Variants in STAT4 observed in about 807,000 individuals in gnomAD.
STAT4 encodes the protein signal transducer and activator of transcription 4.
STAT4 carries 42 observed loss-of-function variants against 110.5 expected under a neutral mutation model. The observed-to-expected ratio is 0.38, with a 90% CI of 0.30 to 0.49. The LOEUF (loss-of-function observed/expected upper bound fraction) is 0.49, where lower values mean the gene tolerates loss of function less well. Ranked by LOEUF, STAT4 falls within the 20% of genes least tolerant of loss-of-function variation. STAT4 has a pLI of 0.95. For synonymous variants in STAT4, 284 were observed against 302.2 expected (o/e 0.94, Z 0.63); for missense variants, 632 against 887.9 (o/e 0.71, Z 3.66).
chr2:191,056,304 A>T (rs1489765896), intron 13 of STAT4, among the ~76,000 whole-genome samples: 1 of 152,202 alleles, frequency 6.6e-6, no homozygotes, highest in Non-Finnish European at 1.5e-5. Context: ...TGGGAATCTT[A>T]AGAATTATGC....
chr2:191,145,474 A>G (rs958895626), intron 3 of STAT4, among the ~76,000 whole-genome samples: 8 of 152,184 alleles, frequency 5.3e-5, no homozygotes, highest in African/African-American at 1.9e-4. Context: ...CACTAAGCTA[A>G]TAAAGCCACC....
chr2:191,145,777 A>G (rs534852878), intron 3 of STAT4, among the ~76,000 whole-genome samples: 1 of 152,324 alleles, frequency 6.6e-6, no homozygotes, highest in South Asian at 2.1e-4. Flanking sequence ...GAATGGCACA[A>G]AGCACTTTTT....
At chr2:191,095,725 A>T (rs1304579760) in intron 3 of STAT4, among the ~76,000 whole-genome samples, 1 of 152,140 alleles carries the variant, frequency 6.6e-6, no homozygotes, top group Non-Finnish European at 1.5e-5. Context: ...AGAGCAAACA[A>T]ATTCAAAAGC....
chr2:191,073,069 T>C (rs1191292973), intron 5 of STAT4, 29 bp downstream of exon 5: 7 of 1,586,252 alleles, frequency 4.4e-6, no homozygotes, highest in East Asian at 4.5e-5. Flanking sequence ...GTATCTAGAC[T>C]TTCTAGGTAT....
chr2:191,076,765 G>A (rs890785981), intron 3 of STAT4, among the ~76,000 whole-genome samples: 19 of 151,550 alleles, frequency 1.3e-4, no homozygotes, highest in African/African-American at 4.1e-4. Context: ...CCTGCCTCAG[G>A]CTCCCAAGTA....
At chr2:191,145,157 T>C (rs1309549525) in intron 3 of STAT4, among the ~76,000 whole-genome samples, 2 of 152,192 alleles carry the variant, frequency 1.3e-5, no homozygotes, top group African/African-American at 2.4e-5. Flanking sequence ...ATTTTTATTT[T>C]AGGCTGTATA....
At chr2:191,151,528 G>A (rs116304492), upstream of STAT4, 1,510 of 985,558 alleles carry the variant, frequency 1.5e-3, 16 homozygotes, top group African/African-American at 0.024. This position sits in a 1 kb window ranked among gnomAD's most constrained non-coding sequence, Gnocchi z 4.7. Context: ...GCCAAGTCCT[G>A]GGTAGGCCAC....
chr2:191,108,231 C>T (rs1698334095), intron 3 of STAT4, among the ~76,000 whole-genome samples: 1 of 150,684 alleles, frequency 6.6e-6, no homozygotes. Flanking sequence ...GTAGAGGTTA[C>T]AGTGAGCCGA....
rs201150110 is a variant in STAT4 at position 191,033,536 on chromosome 2, G to C, written c.1806C>G (p.Ser602Arg). 1 of 1,614,038 alleles carries C rather than the reference G, an allele frequency of 6.2e-7. No individual in the cohort carries two copies. The change falls in exon 20 of 24, where the codon AGC becomes AGG. Residue 602 changes from serine to arginine, a missense_variant. Coordinates refer to ENST00000392320, the MANE Select transcript of STAT4 (RefSeq NM_003151.4). This position sits in a 1 kb window ranked among gnomAD's most constrained non-coding sequence, Gnocchi z 6.9. The part of the protein sequence containing the change: ...PGTFLLRFSE[S>R]HLGGITFTWV... Reference sequence around the variant, plus strand: ...AGGTGAAAGTTATTCCTCCGAGATGGCTTTCACTGAATCTTAATAAAAAGG... The same window carrying C: ...AGGTGAAAGTTATTCCTCCGAGATGCCTTTCACTGAATCTTAATAAAAAGG...
rs972173908 is a variant in STAT4, at chr2:191,117,930, T to C, written c.273+28683A>G. 6.6e-6 allele frequency among the ~76,000 whole-genome samples: 1 copy of C among 152,108 alleles called. No homozygotes were observed. The highest frequency in any genetic ancestry group is 1.5e-5 in the Non-Finnish European group (1 of 68,016). ...TGAAACACAAACTGAGAAGGATGTA[T>C]CTATCTACACTGTTCAAGAGGAAGA... On this transcript the variant is annotated intron_variant, in intron 3 of 23. Coordinates refer to ENST00000392320, the MANE Select transcript of STAT4 (RefSeq NM_003151.4). This position sits in a 1 kb window ranked among gnomAD's most constrained non-coding sequence, Gnocchi z 5.2.
Position 191,033,833 on chromosome 2 carries a change from A to T in STAT4, c.1715+78T>A, listed in dbSNP as rs1695965878. 7.1e-7 allele frequency: 1 copy of T among 1,416,692 alleles called. No homozygotes were observed. The highest frequency in any genetic ancestry group is 1.3e-5 in the South Asian group (1 of 74,504). 87.8% of individuals were successfully genotyped at this position (1,416,692 alleles called of 1,614,324 possible). A position where few individuals can be genotyped will look rare whatever the true frequency, so the allele number is the denominator to read the frequency against. ...TGTGGTACTAAACATGCTTAAGAGA[A>T]AAAGAAAGAAGAAAACCAATAACAA... On this transcript the variant is annotated intron_variant, in intron 19 of 23. Transcript: ENST00000392320. The surrounding 1 kb of genome is among the most constrained non-coding windows in gnomAD (Gnocchi z 6.9).
rs1364695832 is a variant in STAT4 at position 191,150,911 on chromosome 2, C to G, written c.-2+36G>C. Reference sequence around the variant, plus strand: ...CTGCATAATAAGCATGTCCTCCTTACAAGAGGCAGCCAGAAGGTGTGGTCT... The same window carrying G: ...CTGCATAATAAGCATGTCCTCCTTAGAAGAGGCAGCCAGAAGGTGTGGTCT... On this transcript the variant is annotated intron_variant, in intron 1 of 23. Transcript: ENST00000392320. The surrounding 1 kb of genome is among the most constrained non-coding windows in gnomAD (Gnocchi z 6.4). The G allele has an allele frequency of 1.0e-5, 10 of 985,122 alleles. No homozygotes were observed. Among genetic ancestry groups the G allele is most frequent in the Non-Finnish European group, 1.2e-5 (10 of 829,670 alleles). 61.0% of individuals were successfully genotyped at this position (985,122 alleles called of 1,614,324 possible).
chr2:191,067,974 T>G (rs968946281), intron 6 of STAT4: 30 of 152,176 alleles, frequency 2.0e-4, no homozygotes, highest in African/African-American at 7.2e-4. Context: ...TTGTAATGAT[T>G]CACAAATTCA....
In STAT4 at chr2:191,039,132, G is replaced by C. The variant is rs1480843873; in HGVS notation, c.1434+67C>G. ...ACTGGCACACACATGTTTTGATGCA[G>C]ATGTGTTTGTTGGCAATAAAACAAA... On this transcript the variant is annotated intron_variant, in intron 16 of 23. Coordinates refer to ENST00000392320, the MANE Select transcript of STAT4 (RefSeq NM_003151.4). The surrounding 1 kb of genome is among the most constrained non-coding windows in gnomAD (Gnocchi z 4.7). 1 of 1,386,596 alleles carries C rather than the reference G, an allele frequency of 7.2e-7. No homozygotes were observed. Among genetic ancestry groups the C allele is most frequent in the African/African-American group, 1.4e-5 (1 of 70,544 alleles). 85.9% of individuals were successfully genotyped at this position (1,386,596 alleles called of 1,614,324 possible).
At chr2:191,129,680 G>A (rs915299367) in intron 3 of STAT4, among the ~76,000 whole-genome samples, 8 of 152,104 alleles carry the variant, frequency 5.3e-5, no homozygotes, top group African/African-American at 1.9e-4. Context: ...GCCAGAATGA[G>A]CTTTTTAAGA....
At chr2:191,067,141 GA>G (rs1463883982) in intron 6 of STAT4, among the ~76,000 whole-genome samples, 1 of 147,240 alleles carries the variant, frequency 6.8e-6, no homozygotes. Context: ...ATATCTGACT[GA>G]AAAAAAAGAT....
intron 3 of STAT4, among the ~76,000 whole-genome samples, chr2:191,124,156 T>A (rs1422527892): frequency 6.6e-6 from 1 of 152,166 alleles, no homozygotes; most frequent in Non-Finnish European, 1.5e-5. Flanking sequence ...AACTTCTCAT[T>A]TATTAAAAAA....
chr2:191,124,298 T>C (rs951526954), intron 3 of STAT4, among the ~76,000 whole-genome samples: 5 of 151,446 alleles, frequency 3.3e-5, no homozygotes, highest in African/African-American at 1.2e-4. Flanking sequence ...CTACTAAAAA[T>C]ACAAAAATTA....
chr2:191,148,221 A>T lies in STAT4; in HGVS notation c.-1-17T>A. ...TGAGACATGCTATAAAAGAAGGTGT[A>T]GAATTAGAGTTTTAAAATATTGTTC... On this transcript the variant is annotated splice_polypyrimidine_tract_variant and intron_variant, in intron 1 of 23. Coordinates refer to ENST00000392320, the MANE Select transcript of STAT4 (RefSeq NM_003151.4). 1 of 1,610,912 alleles carries T rather than the reference A, an allele frequency of 6.2e-7. No individual in the cohort carries two copies. Among genetic ancestry groups the T allele is most frequent in the Non-Finnish European group, 8.5e-7 (1 of 1,178,922 alleles).
Sources: gnomAD v4.1 joint callset for allele counts (sites outside exome capture counted in the v4.1 genomes callset) on GRCh38, gnomAD v4.1.1 for gene constraint, Gnocchi (gnomAD v3.1) non-coding constraint, MANE v1.5 for transcripts, NCBI Gene and HGNC (gene_info 2026-07-23, HGNC 2026-07-21) for gene names.